Variants in CORIN observed in about 807,000 individuals in gnomAD.
CORIN encodes the protein corin, serine peptidase, also known as atrial natriuretic peptide-converting enzyme.
Under a neutral mutation model 125.3 loss-of-function variants are expected in CORIN, and 117 were observed. That is an observed-to-expected ratio of 0.93 (90% CI 0.80 to 1.09). The LOEUF is 1.09. Ranked by LOEUF, CORIN falls within the 50% of genes least tolerant of loss-of-function variation. The pLI is 0.00. For missense variants in CORIN, 1,253 were observed against 1,306.7 expected, an observed-to-expected ratio of 0.96 and a Z score of 0.63; for synonymous variants, 450 against 466.4, an observed-to-expected ratio of 0.96 and a Z score of 0.45.
chr4:47,777,446 T>C (rs1167520657), intron 3 of CORIN, among the ~76,000 whole-genome samples: 1 of 151,980 alleles, frequency 6.6e-6, no homozygotes, highest in Non-Finnish European at 1.5e-5. Flanking sequence ...GCCTAGCCAA[T>C]ATGGTGAAAC....
intron 19 of CORIN, among the ~76,000 whole-genome samples, chr4:47,622,780 G>C (rs996307650): frequency 1.2e-4 from 18 of 152,244 alleles, no homozygotes; most frequent in African/African-American, 3.1e-4. Flanking sequence ...CTTCCTGCCT[G>C]CCACCTACCT....
chr4:47,713,583 C>G (rs1404825238), intron 5 of CORIN, among the ~76,000 whole-genome samples: 1 of 152,096 alleles, frequency 6.6e-6, no homozygotes, highest in Non-Finnish European at 1.5e-5. Flanking sequence ...CGTGGAGGCT[C>G]CTGGGGTGAA....
At position 47,595,535 on chromosome 4, in the gene CORIN, A is replaced by T. The variant is rs958052020; in HGVS notation, c.*186T>A. 30 of 415,010 alleles carry T rather than the reference A, an allele frequency of 7.2e-5. No homozygotes were observed. Among genetic ancestry groups the T allele is most frequent in the Non-Finnish European group, 6.3e-5 (15 of 236,558 alleles). 25.7% of individuals were successfully genotyped at this position (415,010 alleles called of 1,614,324 possible). A position where few individuals can be genotyped will look rare whatever the true frequency, so the allele number is the denominator to read the frequency against. Reference sequence around the variant, plus strand: ...TTTCATTGAACTTGAAATAAGAGAAAAATGAAGGTGAAAAAATAAATTGAA... The same window carrying T: ...TTTCATTGAACTTGAAATAAGAGAATAATGAAGGTGAAAAAATAAATTGAA... On this transcript the variant is annotated 3_prime_UTR_variant, in exon 22 of 22. Transcript: ENST00000273857.
At chr4:47,601,723 A>T (rs777886153) in intron 20 of CORIN, among the ~76,000 whole-genome samples, 1 of 152,164 alleles carries the variant, frequency 6.6e-6, no homozygotes, top group Admixed American at 6.5e-5. Flanking sequence ...TTGAAAAAAA[A>T]CAGATGCATA....
intron 16 of CORIN, 84 bp downstream of exon 16, chr4:47,641,836 C>G (rs1723241018): frequency 1.3e-6 from 2 of 1,498,290 alleles, no homozygotes; most frequent in African/African-American, 1.4e-5. Flanking sequence ...CACTAACTCT[C>G]TGTGCATCCT....
At chr4:47,834,898 C>G (rs761353241) in intron 1 of CORIN, among the ~76,000 whole-genome samples, 1 of 152,130 alleles carries the variant, frequency 6.6e-6, no homozygotes, top group Admixed American at 6.5e-5. Flanking sequence ...GTCAGTAGTA[C>G]CATCTACATT....
Position 47,835,628 on chromosome 4 carries a change from A to G in CORIN, c.63+2259T>C, listed in dbSNP as rs564808588. On this transcript the variant is annotated intron_variant, in intron 1 of 21. Transcript: ENST00000273857. The stretch of plus-strand genomic sequence containing the variant: ...TCCTCTAACTTCCTGTCTGCCCCCA[A>G]CAGTGGGGGAGGTCAACAGAGGGGC... Among the ~76,000 whole-genome samples, 62 of 152,308 alleles carry G rather than the reference A, an allele frequency of 4.1e-4. 2 individuals carry two copies. The South Asian group carries it at 0.012, about 31-fold the overall frequency.
chr4:47,711,596 G>A (rs546824418), intron 5 of CORIN, among the ~76,000 whole-genome samples: 3 of 152,336 alleles, frequency 2.0e-5, no homozygotes, highest in African/African-American at 7.2e-5. Flanking sequence ...TAATTTCATG[G>A]GGTAAGCCTG....
intron 17 of CORIN, among the ~76,000 whole-genome samples, chr4:47,624,234 G>A (rs1377010147): frequency 6.6e-6 from 1 of 152,016 alleles, no homozygotes; most frequent in African/African-American, 2.4e-5. Context: ...TCACATTTGT[G>A]GGAAAAGAAA....
chr4:47,637,708 G>A (rs1175855214), intron 16 of CORIN, among the ~76,000 whole-genome samples: 1 of 152,236 alleles, frequency 6.6e-6, no homozygotes, highest in Non-Finnish European at 1.5e-5. Flanking sequence ...AAGATGTGTG[G>A]AAATGCCTGG....
chr4:47,756,310 C>T (rs1278080552), intron 4 of CORIN, among the ~76,000 whole-genome samples: 2 of 152,160 alleles, frequency 1.3e-5, no homozygotes, highest in East Asian at 3.9e-4. Context: ...GCAAAAAGGG[C>T]TTCAGAAACT....
chr4:47,691,269 T>G lies in CORIN; in HGVS notation c.913+1701A>C, dbSNP rs145577868. On this transcript the variant is annotated intron_variant, in intron 6 of 21. Transcript: ENST00000273857. ...CATAACTTGGGCCACAATGGGAGAA[T>G]AGCTAGAGATTCTACCAAATTCCCA... Among the ~76,000 whole-genome samples, 37 of 152,304 alleles carry G rather than the reference T, an allele frequency of 2.4e-4. No individual in the cohort carries two copies. The East Asian group carries it at 6.9e-3, about 29-fold the overall frequency.
At chr4:47,653,467 T>C in intron 13 of CORIN, 86 bp downstream of exon 13, 1 of 1,022,784 alleles carries the variant, frequency 9.8e-7, no homozygotes, top group Admixed American at 1.9e-5. Context: ...CTACTATCAG[T>C]GAATAGTTTC....
At chr4:47,697,179 C>G (rs576364891) in intron 5 of CORIN, among the ~76,000 whole-genome samples, 7 of 152,098 alleles carry the variant, frequency 4.6e-5, no homozygotes, top group Non-Finnish European at 8.8e-5. Context: ...GCGGCTGATA[C>G]AAGAATACTT....
intron 5 of CORIN, among the ~76,000 whole-genome samples, chr4:47,719,119 A>G (rs948743183): frequency 2.0e-5 from 3 of 152,176 alleles, no homozygotes; most frequent in African/African-American, 4.8e-5. Context: ...ATGCCAGGAA[A>G]TTTACATCTC....
chr4:47,770,825 T>C (rs1031176365), intron 3 of CORIN, among the ~76,000 whole-genome samples: 2 of 151,944 alleles, frequency 1.3e-5, no homozygotes, highest in Non-Finnish European at 2.9e-5. Context: ...TCTTAAAAAG[T>C]TGAACTCATA....
At chr4:47,834,742 C>T (rs1438633565) in intron 1 of CORIN, among the ~76,000 whole-genome samples, 1 of 152,106 alleles carries the variant, frequency 6.6e-6, no homozygotes. Flanking sequence ...ACATTGTTTA[C>T]ATTAAATATA....
chr4:47,619,923 T>C (rs149552015), intron 19 of CORIN, among the ~76,000 whole-genome samples: 12 of 152,326 alleles, frequency 7.9e-5, no homozygotes, highest in Admixed American at 6.5e-4. Context: ...TCTAAAGCAA[T>C]AACATTCCAG....
At chr4:47,759,052 C>A (rs907754890) in intron 4 of CORIN, among the ~76,000 whole-genome samples, 1 of 152,122 alleles carries the variant, frequency 6.6e-6, no homozygotes, top group Non-Finnish European at 1.5e-5. Flanking sequence ...TAAATCCATG[C>A]CTTTACAGTA....
Sources: gnomAD v4.1 joint callset for allele counts (sites outside exome capture counted in the v4.1 genomes callset) on GRCh38, gnomAD v4.1.1 for gene constraint, MANE v1.5 for transcripts, NCBI Gene and HGNC (gene_info 2026-07-23, HGNC 2026-07-21) for gene names.